Variants in ROBO1 observed in about 807,000 individuals in gnomAD.
The protein encoded by ROBO1 is roundabout homolog 1.
In ROBO1, 149 loss-of-function variants were observed where a neutral mutation model predicts 195.9. That is an observed-to-expected ratio of 0.76 (90% CI 0.67 to 0.87). The LOEUF (loss-of-function observed/expected upper bound fraction) is 0.87, where lower values mean the gene tolerates loss of function less well. Ranked by LOEUF, ROBO1 falls within the 40% of genes least tolerant of loss-of-function variation. The pLI is 0.00. For missense variants in ROBO1, 1,933 were observed against 2,068.3 expected, an observed-to-expected ratio of 0.93 and a Z score of 1.27; for synonymous variants, 816 against 733.2, an observed-to-expected ratio of 1.11 and a Z score of -1.82.
chr3:79,717,422 T>C (rs1034989638), intron 1 of ROBO1, among the ~76,000 whole-genome samples: 12 of 151,978 alleles, frequency 7.9e-5, no homozygotes, highest in African/African-American at 2.9e-4. Flanking sequence ...CTTTAAAAGT[T>C]TGTAGACCCT....
chr3:79,237,447 C>T (rs2082431343), intron 2 of ROBO1, among the ~76,000 whole-genome samples: 2 of 150,250 alleles, frequency 1.3e-5, no homozygotes, highest in African/African-American at 2.5e-5. Flanking sequence ...CACCACTGCA[C>T]TCCAGCCTGG....
At chr3:79,194,575 T>C (rs1364284913) in intron 2 of ROBO1, among the ~76,000 whole-genome samples, 3 of 151,656 alleles carry the variant, frequency 2.0e-5, no homozygotes, top group Non-Finnish European at 4.4e-5. Context: ...TGAATTTCTA[T>C]GTACTTGTAT....
chr3:78,745,306 CAAA>C (rs11360584), intron 5 of ROBO1, among the ~76,000 whole-genome samples: 12 of 71,156 alleles, frequency 1.7e-4, no homozygotes, highest in South Asian at 6.2e-4. Context: ...GACTCCATTT[CAAA>C]AAAAAAAAAA....
chr3:79,507,125 A>G (rs1940441819), intron 2 of ROBO1, among the ~76,000 whole-genome samples: 1 of 152,212 alleles, frequency 6.6e-6, no homozygotes, highest in South Asian at 2.1e-4. Context: ...TCCTATTATA[A>G]TGCTTAGAGC....
chr3:78,734,783 T>G (rs558108203), intron 5 of ROBO1, among the ~76,000 whole-genome samples: 1 of 152,270 alleles, frequency 6.6e-6, no homozygotes, highest in South Asian at 2.1e-4. Flanking sequence ...TGAAAATATA[T>G]AGTATATTGT....
chr3:79,520,222 G>C (rs923153061), intron 2 of ROBO1, among the ~76,000 whole-genome samples: 1 of 151,654 alleles, frequency 6.6e-6, no homozygotes, highest in Non-Finnish European at 1.5e-5. Flanking sequence ...CACATATGCC[G>C]AAGAAAGCAA....
chr3:78,711,989 A>G (rs972265219), intron 8 of ROBO1, among the ~76,000 whole-genome samples: 1 of 144,160 alleles, frequency 6.9e-6, no homozygotes, highest in Non-Finnish European at 1.5e-5. Context: ...AGAAAACAGC[A>G]GAATTTGGGA....
chr3:79,018,786 G>A (rs542754105), intron 3 of ROBO1: 8 of 1,075,552 alleles, frequency 7.4e-6, no homozygotes, highest in South Asian at 3.4e-5. Flanking sequence ...CTGCCTCCAC[G>A]GTCTTGCGGA....
chr3:78,829,422 C>T (rs1425765472), intron 4 of ROBO1, among the ~76,000 whole-genome samples: 1 of 152,122 alleles, frequency 6.6e-6, no homozygotes, highest in African/African-American at 2.4e-5. Flanking sequence ...TGGCATCATT[C>T]ACAATCTAAG....
chr3:79,527,111 T>C (rs1450917098), intron 2 of ROBO1, among the ~76,000 whole-genome samples: 4 of 152,152 alleles, frequency 2.6e-5, no homozygotes, highest in Admixed American at 2.6e-4. Context: ...TGAGTAGATA[T>C]TATGTTATTT....
At chr3:79,176,087 G>C (rs902514884) in intron 2 of ROBO1, among the ~76,000 whole-genome samples, 1 of 152,114 alleles carries the variant, frequency 6.6e-6, no homozygotes, top group Admixed American at 6.5e-5. Context: ...AGGGAACTGA[G>C]CCAGATCCCT....
At chr3:79,233,968 G>A (rs1338791605) in intron 2 of ROBO1, among the ~76,000 whole-genome samples, 4 of 151,538 alleles carry the variant, frequency 2.6e-5, no homozygotes, top group East Asian at 3.9e-4. Context: ...TCATATGTTT[G>A]GTGTCCACTT....
chr3:79,007,186 ACT>A (rs1205028733), intron 3 of ROBO1, among the ~76,000 whole-genome samples: 2 of 152,072 alleles, frequency 1.3e-5, no homozygotes, highest in East Asian at 1.9e-4. Context: ...GAACAAAATA[ACT>A]CTCTTCAAAT....
At chr3:79,686,353 G>C (rs957646875) in intron 1 of ROBO1, among the ~76,000 whole-genome samples, 23 of 152,118 alleles carry the variant, frequency 1.5e-4, no homozygotes, top group Non-Finnish European at 2.5e-4. Context: ...TCAACATAGT[G>C]TTGGAAGTTC....
intron 2 of ROBO1, among the ~76,000 whole-genome samples, chr3:79,296,958 G>C (rs1276537219): frequency 6.6e-6 from 1 of 152,070 alleles, no homozygotes; most frequent in Non-Finnish European, 1.5e-5. Flanking sequence ...ATTTACATCA[G>C]GACAATTGAA....
chr3:79,076,938 T>G (rs2079184305), intron 3 of ROBO1, among the ~76,000 whole-genome samples: 1 of 151,930 alleles, frequency 6.6e-6, no homozygotes, highest in East Asian at 1.9e-4. Context: ...GTGACTACAC[T>G]ATAAGGCATG....
chr3:79,198,957 A>G (rs2081702484), intron 2 of ROBO1, among the ~76,000 whole-genome samples: 1 of 152,014 alleles, frequency 6.6e-6, no homozygotes. Flanking sequence ...CTAAGTATAC[A>G]ATCAAGTCAT....
intron 2 of ROBO1, among the ~76,000 whole-genome samples, chr3:79,369,767 A>T (rs1255161881): frequency 1.3e-5 from 2 of 152,034 alleles, no homozygotes; most frequent in African/African-American, 4.8e-5. Flanking sequence ...GAGAGGAAAG[A>T]TTATTGCAAT....
At chr3:79,725,428 G>A (rs984533887) in intron 1 of ROBO1, among the ~76,000 whole-genome samples, 2 of 151,626 alleles carry the variant, frequency 1.3e-5, no homozygotes, top group African/African-American at 2.4e-5. Context: ...AGGTTTCACC[G>A]TGTTAGCCAG....
Sources: allele counts gnomAD v4.1 joint callset (sites outside exome capture counted in the v4.1 genomes callset), GRCh38; gene constraint gnomAD v4.1.1; transcripts MANE v1.5; gene names NCBI Gene and HGNC (gene_info 2026-07-23, HGNC 2026-07-21).